Variants in PLEKHA4 observed in about 807,000 individuals in gnomAD.
PLEKHA4 encodes pleckstrin homology domain containing A4.
Under a neutral mutation model 94.7 loss-of-function variants are expected in PLEKHA4, and 73 were observed. The observed-to-expected ratio is 0.77, with a 90% CI of 0.64 to 0.94. The LOEUF (loss-of-function observed/expected upper bound fraction) is 0.94. PLEKHA4 is among the 40% of genes least tolerant of loss of function. PLEKHA4 has a pLI of 0.00. For synonymous variants in PLEKHA4, 449 were observed against 437.1 expected, an observed-to-expected ratio of 1.03 and a Z score of -0.34; for missense variants, 1,049 against 1,054.1, an observed-to-expected ratio of 1.00 and a Z score of 0.07.
At chr19:48,858,771 C>T in intron 8 of PLEKHA4, 89 bp downstream of exon 8, 1 of 1,449,176 alleles carries the variant, frequency 6.9e-7, no homozygotes, top group Non-Finnish European at 9.6e-7. Flanking sequence ...ACCCATGACA[C>T]CCAGGGAGCA....
At position 48,860,377 on chromosome 19, in the gene PLEKHA4, C is replaced by T. The variant is rs778648885; in HGVS notation, c.449G>A (p.Arg150Gln). The T allele has an allele frequency of 4.3e-6, 7 of 1,613,856 alleles. No homozygotes were observed. In the Admixed American group the frequency reaches 1.0e-4, roughly 23 times the overall value. Residue 150 changes from arginine (R) to glutamine (Q), a missense_variant, in exon 6 of 20, where the codon CGG becomes CAG. Arg to Gln is a conservative substitution (Grantham distance 43). Coordinates refer to ENST00000263265, the MANE Select transcript of PLEKHA4 (RefSeq NM_020904.3). ...DLRGWLRALG[R>Q]ASRAEGDDYG... is the part of the protein sequence containing the mutation. ...GTCGTCCCCCTCCGCACGGGAGGCCCGGCCCAGCGCCCGTAGCCAGCCCCG... is the reference window on the plus strand; with the variant it reads ...GTCGTCCCCCTCCGCACGGGAGGCCTGGCCCAGCGCCCGTAGCCAGCCCCG...
intron 3 of PLEKHA4, among the ~76,000 whole-genome samples, chr19:48,863,137 AC>A (rs1326884992): frequency 3.9e-5 from 6 of 152,210 alleles, no homozygotes; most frequent in African/African-American, 1.4e-4. Flanking sequence ...ATAGAAGCCC[AC>A]ATGATCTTTT....
chr19:48,846,236 A>G (rs981810392), intron 14 of PLEKHA4, among the ~76,000 whole-genome samples: 1 of 151,486 alleles, frequency 6.6e-6, no homozygotes, highest in Non-Finnish European at 1.5e-5. Context: ...GGCGGATCAC[A>G]AGGTCAGGAG....
intron 13 of PLEKHA4, among the ~76,000 whole-genome samples, chr19:48,850,764 C>A (rs2036155003): frequency 6.6e-6 from 1 of 151,962 alleles, no homozygotes; most frequent in Non-Finnish European, 1.5e-5. Flanking sequence ...TTGCGGTGAA[C>A]CGAGATTGCA....
rs746957677 is a variant in PLEKHA4, at chr19:48,857,448, C to T, written c.1021G>A (p.Gly341Arg). ...AATAAAACCATGGAGGCCCGGGTCC[C>T]AGGGGGCCGCGGGGGGAGCTGGAGA... The part of the protein sequence containing the change: ...TYLQLPPRPP[G>R]TRASMVLLPG... Residue 341 changes from glycine to arginine, a missense_variant, in exon 9 of 20, where the codon GGG (glycine) becomes AGG (arginine). Transcript: ENST00000263265. The T allele has an allele frequency of 1.9e-6, 3 of 1,559,928 alleles. No homozygotes were observed. The highest frequency in any genetic ancestry group is 2.4e-5 in the East Asian group (1 of 42,034).
In PLEKHA4 at chr19:48,867,487, G is replaced by A. The variant is rs1378961565; in HGVS notation, c.84+50C>T. The A allele has an allele frequency of 8.4e-6, 13 of 1,543,746 alleles. No individual in the cohort carries two copies. The East Asian group carries it at 3.1e-4, about 36-fold the overall frequency. ...GAGTCCTTGGGGAAACAGAAGGATGGGCGGCCCAGAGCCCCACCTTCCTCC... is the reference window on the plus strand; with the variant it reads ...GAGTCCTTGGGGAAACAGAAGGATGAGCGGCCCAGAGCCCCACCTTCCTCC... On this transcript the variant is annotated intron_variant, in intron 2 of 19. Transcript: ENST00000263265. The surrounding 1 kb of genome is among the most constrained non-coding windows in gnomAD (Gnocchi z 4.7).
At position 48,852,271 on chromosome 19, in the gene PLEKHA4, A is replaced by G. The variant is rs1196594118; in HGVS notation, c.1382T>C (p.Leu461Ser). The change falls in exon 13 of 20, where the codon TTA becomes TCA. Residue 461 changes from leucine (L) to serine (S), a missense_variant. Physicochemically the swap from Leu to Ser is moderately radical, Grantham distance 145. Coordinates refer to ENST00000263265, the MANE Select transcript of PLEKHA4 (RefSeq NM_020904.3). Reference sequence around the variant, plus strand: ...CAGCAGGTACTCCAGCGTCTCTCTTAAGGTGCCCAGCTCCTGCTCCAGGCC... The same window carrying G: ...CAGCAGGTACTCCAGCGTCTCTCTTGAGGTGCCCAGCTCCTGCTCCAGGCC... ...YSGLEQELGT[L>S]RETLEYLLHL... 15 of 1,613,944 alleles carry G rather than the reference A, an allele frequency of 9.3e-6. No individual in the cohort carries two copies. Among genetic ancestry groups the G allele is most frequent in the Non-Finnish European group, 1.3e-5 (15 of 1,180,028 alleles).
chr19:48,844,312 G>A (rs976741837), intron 16 of PLEKHA4: 13 of 306,604 alleles, frequency 4.2e-5, no homozygotes, highest in African/African-American at 2.5e-4. Flanking sequence ...CCGCCATCAC[G>A]CTCGGATAAT....
intron 2 of PLEKHA4, among the ~76,000 whole-genome samples, chr19:48,866,009 G>A (rs1471501676): frequency 3.3e-5 from 5 of 150,284 alleles, no homozygotes; most frequent in Admixed American, 1.3e-4. Context: ...GTGAGACTCC[G>A]TCTCAAAGAA....
In PLEKHA4 at chr19:48,852,332, G is replaced by A. The variant is rs750986471; in HGVS notation, c.1327-6C>T. On this transcript the variant is annotated splice_polypyrimidine_tract_variant and splice_region_variant and intron_variant, in intron 12 of 19. Coordinates refer to ENST00000263265, the MANE Select transcript of PLEKHA4 (RefSeq NM_020904.3). ...TCCCAAACCCTCTCTCGCTCCTCAG[G>A]TTGCATAAAGGGGGAGACATAGGTT... 1.2e-6 allele frequency: 2 copies of A among 1,611,208 alleles called. No individual in the cohort carries two copies. Among genetic ancestry groups the A allele is most frequent in the South Asian group, 2.2e-5 (2 of 91,036 alleles).
In PLEKHA4 at chr19:48,859,159, G is replaced by C; in HGVS notation, c.693-20C>G. On this transcript the variant is annotated intron_variant, in intron 7 of 19. Transcript: ENST00000263265. ...AACAGGCTGTGGGAAGGAGAGAATC[G>C]GGGAACTGAGTCAACTAGAGCCCTC... 2 of 1,511,614 alleles carry C rather than the reference G, an allele frequency of 1.3e-6. No individual in the cohort carries two copies. The highest frequency in any genetic ancestry group is 2.5e-5 in the East Asian group (1 of 40,718). 93.6% of individuals were successfully genotyped at this position (1,511,614 alleles called of 1,614,324 possible).
rs111593297 is a variant in PLEKHA4, at chr19:48,839,945, C to CAAA, written c.1906-685_1906-683dup. 9.2e-4 allele frequency among the ~76,000 whole-genome samples: 129 copies of CAAA among 139,582 alleles called. 1 individual carries two copies. The highest frequency in any genetic ancestry group is 3.7e-3 in the Middle Eastern group (1 of 268). The allele number at this position is 139,582 out of a possible 152,430, so 91.6% of individuals were successfully genotyped here. On this transcript the variant is annotated intron_variant, in intron 17 of 19. Coordinates refer to ENST00000263265, the MANE Select transcript of PLEKHA4 (RefSeq NM_020904.3). ...GTAAACCCCGTCTCTACTAAAAATACAAAAAAAAAAAAATTAGCAGGGTGT... is the reference window on the plus strand; with the variant it reads ...GTAAACCCCGTCTCTACTAAAAATACAAAAAAAAAAAAAAAATTAGCAGGGTGT...
At chr19:48,852,447 G>T in intron 12 of PLEKHA4, 121 bp from the exon 13 acceptor site, 1 of 707,826 alleles carries the variant, frequency 1.4e-6, no homozygotes, top group Non-Finnish European at 2.4e-6. Context: ...CCCTGCAGGC[G>T]TATGGACTAC....
intron 2 of PLEKHA4, 78 bp from the exon 3 acceptor site, chr19:48,865,688 AC>A: frequency 1.0e-6 from 1 of 979,716 alleles, no homozygotes; most frequent in Non-Finnish European, 1.6e-6. Flanking sequence ...GACACAGGCA[AC>A]CGTAGGCTCT....
In PLEKHA4 at chr19:48,868,455, TCTCTC is replaced by T. The variant is rs2036907083; in HGVS notation, c.-384_-380del. 6.6e-6 allele frequency: 1 copy of T among 151,688 alleles called. No homozygotes were observed. Among genetic ancestry groups the T allele is most frequent in the Admixed American group, 6.6e-5 (1 of 15,184 alleles). The allele number at this position is 151,688 out of a possible 1,614,324, so 9.4% of individuals were successfully genotyped here. A position where few individuals can be genotyped will look rare whatever the true frequency, so the allele number is the denominator to read the frequency against. On this transcript the variant is annotated 5_prime_UTR_variant, in exon 1 of 20. An upstream open reading frame in the 5' UTR gains an earlier in-frame stop. Transcript: ENST00000263265. ...TTAAGTCTCTGTCTCATTCTCTCTC[TCTCTC>T]TCTCTCTGTCTCTCAGTCATCCCCT...
intron 1 of PLEKHA4, 21 bp downstream of exon 1, chr19:48,868,062 C>T (rs575943734): frequency 3.0e-5 from 5 of 166,418 alleles, no homozygotes; most frequent in African/African-American, 9.5e-5. Flanking sequence ...GAGCCCCTCC[C>T]AGCCCAGCCA....
At chr19:48,839,175 G>C (rs764085913) in intron 18 of PLEKHA4, 30 bp downstream of exon 18, 2 of 1,521,942 alleles carry the variant, frequency 1.3e-6, no homozygotes, top group Non-Finnish European at 8.9e-7. Context: ...TTTTTTTCCT[G>C]CTCCCTTGAT....
rs901433656 is a variant in PLEKHA4 at position 48,867,049 on chromosome 19, G to A, written c.84+488C>T. The stretch of plus-strand genomic sequence containing the variant: ...TCTGAACTTGAGAAACAATATGTGT[G>A]GAACGGCAGGAGGAAAAAGAAATGA... On this transcript the variant is annotated intron_variant, in intron 2 of 19. Coordinates refer to ENST00000263265, the MANE Select transcript of PLEKHA4 (RefSeq NM_020904.3). The surrounding 1 kb of genome is among the most constrained non-coding windows in gnomAD (Gnocchi z 4.7). 2.0e-5 allele frequency among the ~76,000 whole-genome samples: 3 copies of A among 152,136 alleles called. No homozygotes were observed. The highest frequency in any genetic ancestry group is 4.4e-5 in the Non-Finnish European group (3 of 68,024).
At chr19:48,863,874 T>C (rs919827892) in intron 3 of PLEKHA4, among the ~76,000 whole-genome samples, 2 of 152,144 alleles carry the variant, frequency 1.3e-5, no homozygotes, top group Admixed American at 1.3e-4. Flanking sequence ...GCCCAGCCCA[T>C]GTACTGCTTT....
Sources: allele counts gnomAD v4.1 joint callset (sites outside exome capture counted in the v4.1 genomes callset), GRCh38; gene constraint gnomAD v4.1.1; non-coding constraint Gnocchi (gnomAD v3.1); transcripts MANE v1.5; gene names NCBI Gene and HGNC (gene_info 2026-07-23, HGNC 2026-07-21).